The following SNX6 variants were observed in gnomAD, a reference collection of about 807,000 sequenced individuals.
SNX6 encodes the protein sorting nexin 6.
SNX6 carries 34 observed loss-of-function variants against 63.0 expected under a neutral mutation model. The ratio of observed to expected loss-of-function variants is 0.54; its 90% CI spans 0.41 to 0.72. The LOEUF is 0.72. Ranked by LOEUF, SNX6 falls within the 30% of genes least tolerant of loss-of-function variation. The pLI is 0.00. For synonymous variants in SNX6, 170 were observed against 164.2 expected, an observed-to-expected ratio of 1.04 and a Z score of -0.27; for missense variants, 398 against 471.4, an observed-to-expected ratio of 0.84 and a Z score of 1.44.
intron 13 of SNX6, among the ~76,000 whole-genome samples, chr14:34,564,788 CTGCA>C (rs1269063209): frequency 6.7e-6 from 1 of 149,268 alleles, no homozygotes; most frequent in East Asian, 2.0e-4. Context: ...GATCACGCCA[CTGCA>C]CTCCAGCCTG....
chr14:34,568,647 T>C, intron 11 of SNX6: 1 of 786,338 alleles, frequency 1.3e-6, no homozygotes, highest in South Asian at 1.5e-5. Context: ...TTTTTTTTTT[T>C]TTTAACGAAT....
At position 34,589,830 on chromosome 14, in the gene SNX6, A is replaced by G. The variant is rs557722665; in HGVS notation, c.718+3215T>C. On this transcript the variant is annotated intron_variant, in intron 8 of 13. Transcript: ENST00000362031. ...GACAGAGAGAGACTCTGTCTAGGGA[A>G]AAAAAAAAATGGAGTCTGGTGGCTC... 6.1e-5 allele frequency among the ~76,000 whole-genome samples: 9 copies of G among 148,212 alleles called. No individual in the cohort carries two copies. The South Asian group carries it at 1.9e-3, about 31-fold the overall frequency.
At chr14:34,589,733 G>T (rs138488446) in intron 8 of SNX6, among the ~76,000 whole-genome samples, 1 of 151,930 alleles carries the variant, frequency 6.6e-6, no homozygotes, top group Non-Finnish European at 1.5e-5. Context: ...CGAGGCATGA[G>T]AATCACTTGA....
chr14:34,624,609 A>G (rs1883753852), intron 2 of SNX6, among the ~76,000 whole-genome samples: 1 of 151,910 alleles, frequency 6.6e-6, no homozygotes, highest in African/African-American at 2.4e-5. Context: ...CATCCTGGCC[A>G]ACATGGTGAA....
chr14:34,574,619 C>CAAAAAAAAA (rs33959613), intron 11 of SNX6, among the ~76,000 whole-genome samples: 1 of 79,418 alleles, frequency 1.3e-5, no homozygotes, highest in Non-Finnish European at 2.5e-5. Flanking sequence ...GACTCCATCT[C>CAAAAAAAAA]AAAAAAAAAA....
chr14:34,584,746 GAA>G (rs201926833), intron 9 of SNX6, among the ~76,000 whole-genome samples: 4,716 of 150,422 alleles, frequency 0.031, 261 homozygotes, highest in African/African-American at 0.11. Context: ...TGGGGAGGAA[GAA>G]AAAAAAATAT....
intron 6 of SNX6, among the ~76,000 whole-genome samples, chr14:34,601,040 C>G (rs1882791833): frequency 6.6e-6 from 1 of 151,534 alleles, no homozygotes; most frequent in African/African-American, 2.4e-5. Flanking sequence ...AGTTTTTAGG[C>G]AGGGAAGGAA....
chr14:34,585,315 C>T (rs1882109213), intron 9 of SNX6, among the ~76,000 whole-genome samples: 1 of 151,996 alleles, frequency 6.6e-6, no homozygotes, highest in Admixed American at 6.6e-5. Flanking sequence ...AAGTCAAGGG[C>T]TTGAGACCAG....
intron 8 of SNX6, among the ~76,000 whole-genome samples, chr14:34,589,392 C>T (rs1377082500): frequency 6.6e-6 from 1 of 152,130 alleles, no homozygotes; most frequent in Non-Finnish European, 1.5e-5. Context: ...GTGCAGGTTG[C>T]AGTGAGCTGA....
chr14:34,586,061 C>G (rs1041350594), intron 9 of SNX6, among the ~76,000 whole-genome samples, 169 bp downstream of exon 9: 2 of 151,954 alleles, frequency 1.3e-5, no homozygotes, highest in African/African-American at 4.8e-5. Context: ...TGTCACCCCG[C>G]CTGGCTAATT....
intron 1 of SNX6, 31 bp from the exon 2 acceptor site, chr14:34,629,985 G>T (rs775320488): frequency 6.5e-7 from 1 of 1,528,412 alleles, no homozygotes; most frequent in Admixed American, 2.3e-5. Flanking sequence ...GCGCGCCGGG[G>T]AAAAGGATGA....
Position 34,608,134 on chromosome 14 carries a change from A to G in SNX6, c.166T>C (p.Leu56=). Residue 56 remains leucine, a synonymous_variant, in exon 4 of 14, where the codon TTG becomes CTG. Coordinates refer to ENST00000362031, the MANE Select transcript of SNX6 (RefSeq NM_152233.4). ...AACTCGTTTTGTTTAAAATTTGGCA[A>G]TGAACTCTGTAAAGATAGAGATTTT... ...VKFTVHTKSS[L]PNFKQNEFSV... 1.3e-6 allele frequency: 2 copies of G among 1,573,520 alleles called. No homozygotes were observed. Among genetic ancestry groups the G allele is most frequent in the East Asian group, 2.2e-5 (1 of 44,536 alleles).
chr14:34,612,952 G>C (rs556324917), intron 2 of SNX6, among the ~76,000 whole-genome samples: 5 of 151,916 alleles, frequency 3.3e-5, no homozygotes, highest in Admixed American at 3.3e-4. Context: ...GGGAGGCTGA[G>C]GCAGGAGAAT....
intron 4 of SNX6, among the ~76,000 whole-genome samples, chr14:34,606,846 T>A (rs968895920): frequency 1.1e-4 from 16 of 152,264 alleles, no homozygotes; most frequent in Admixed American, 4.6e-4. Context: ...TGGTGGGACC[T>A]TGACTCACTG....
chr14:34,586,194 C>A, intron 9 of SNX6, 36 bp downstream of exon 9: 4 of 1,426,336 alleles, frequency 2.8e-6, no homozygotes, highest in Non-Finnish European at 3.9e-6. Flanking sequence ...AGCCACCGCG[C>A]CCAGCCTATT....
chr14:34,573,676 T>C (rs1369976193), intron 11 of SNX6, among the ~76,000 whole-genome samples: 2 of 152,000 alleles, frequency 1.3e-5, no homozygotes, highest in Non-Finnish European at 2.9e-5. Context: ...TCTCGCTTTG[T>C]CGCCCAGGCT....
chr14:34,596,628 A>G (rs1028302747), intron 7 of SNX6, among the ~76,000 whole-genome samples: 3 of 150,982 alleles, frequency 2.0e-5, no homozygotes, highest in Non-Finnish European at 3.0e-5. Flanking sequence ...CAGGAAAAAA[A>G]AAAAAGAGAG....
At chr14:34,613,569 A>G (rs1004750185) in intron 2 of SNX6, among the ~76,000 whole-genome samples, 10 of 151,622 alleles carry the variant, frequency 6.6e-5, no homozygotes, top group Non-Finnish European at 8.8e-5. Flanking sequence ...GAGGCGGGTG[A>G]ATCACGAGGT....
intron 11 of SNX6, among the ~76,000 whole-genome samples, chr14:34,572,742 G>A (rs1166304521): frequency 1.3e-5 from 2 of 151,722 alleles, no homozygotes; most frequent in African/African-American, 4.8e-5. Flanking sequence ...GTGCCGTGGC[G>A]CGATCTCGGC....
Sources: allele counts gnomAD v4.1 joint callset (sites outside exome capture counted in the v4.1 genomes callset), GRCh38; gene constraint gnomAD v4.1.1; transcripts MANE v1.5; gene names NCBI Gene and HGNC (gene_info 2026-07-23, HGNC 2026-07-21).